Variants in NMS observed in about 807,000 individuals in gnomAD.
NMS encodes neuromedin S, also known as neuromedin-S.
Under a neutral mutation model 32.2 loss-of-function variants are expected in NMS, and 30 were observed. That is an observed-to-expected ratio of 0.93 (90% CI 0.70 to 1.26). The LOEUF is 1.26. Ranked by LOEUF, NMS falls within the 50% of genes most tolerant of loss-of-function variation. NMS has a pLI of 0.00. For missense variants in NMS, 190 were observed against 186.3 expected (o/e 1.02, Z -0.12); for synonymous variants, 76 against 58.5 (o/e 1.30, Z -1.37).
chr2:100,474,480 A>C (rs1172853660), intron 3 of NMS, among the ~76,000 whole-genome samples: 2 of 152,346 alleles, frequency 1.3e-5, no homozygotes, highest in East Asian at 3.9e-4. Flanking sequence ...CACAGGCTGC[A>C]GTTAACAATC....
chr2:100,476,071 T>C (rs1025780897), intron 3 of NMS, among the ~76,000 whole-genome samples: 6 of 151,594 alleles, frequency 4.0e-5, no homozygotes, highest in African/African-American at 1.2e-4. Context: ...AGCCGGGTAT[T>C]TAGCACCAGG....
Position 100,472,829 on chromosome 2 carries a change from C to G in NMS, c.111C>G (p.Gly37=). Residue 37 remains glycine (G), a synonymous_variant, in exon 2 of 10, where the codon GGC becomes GGG. Transcript: ENST00000376865. ...FPQPLADPSD[G]LDIVQLEQLA... is the part of the protein sequence containing the mutation. ...AACCTTTAGCTGATCCTTCAGATGGCTTGGATATTGTGCAGCTTGAGGTAC... is the reference window on the plus strand; with the variant it reads ...AACCTTTAGCTGATCCTTCAGATGGGTTGGATATTGTGCAGCTTGAGGTAC... 1 of 1,610,844 alleles carries G rather than the reference C, an allele frequency of 6.2e-7. No individual in the cohort carries two copies. The highest frequency in any genetic ancestry group is 8.5e-7 in the Non-Finnish European group (1 of 1,177,438).
At chr2:100,482,449 T>G (rs1487468690) in intron 9 of NMS, 138 bp downstream of exon 9, 3 of 780,898 alleles carry the variant, frequency 3.8e-6, no homozygotes, top group Non-Finnish European at 6.4e-6. Context: ...CCCCAGGAAC[T>G]CTGCCCCTTC....
rs748752621 is a variant in NMS at position 100,473,521 on chromosome 2, T to A, written c.165T>A (p.Pro55=). The change falls in exon 3 of 10, where the codon CCT becomes CCA. Residue 55 remains proline (P), a synonymous_variant. Transcript: ENST00000376865. ...QLAYCLSQWA[P]LSRQPKDNQD... ...CATATTGTCTGAGTCAGTGGGCACCTCTTTCTCGCCAACCTAAGGTAAAAA... is the reference window on the plus strand; with the variant it reads ...CATATTGTCTGAGTCAGTGGGCACCACTTTCTCGCCAACCTAAGGTAAAAA... 4.1e-6 allele frequency: 6 copies of A among 1,472,300 alleles called. No individual in the cohort carries two copies. Among genetic ancestry groups the A allele is most frequent in the Non-Finnish European group, 5.5e-6 (6 of 1,099,274 alleles). The allele number at this position is 1,472,300 out of a possible 1,614,324, so 91.2% of individuals were successfully genotyped here.
At chr2:100,480,337 G>A (rs552200733) in intron 6 of NMS, among the ~76,000 whole-genome samples, 159 bp from the exon 7 acceptor site, 8 of 152,312 alleles carry the variant, frequency 5.3e-5, no homozygotes, top group East Asian at 3.9e-4. Flanking sequence ...AGAAGATCAC[G>A]GCAGTGATCC....
chr2:100,475,812 C>A (rs1677097738), intron 3 of NMS, among the ~76,000 whole-genome samples: 1 of 151,872 alleles, frequency 6.6e-6, no homozygotes, highest in Non-Finnish European at 1.5e-5. Flanking sequence ...CCAGCTTGGG[C>A]AACATGGTAA....
chr2:100,470,947 C>T (rs1395580878), intron 1 of NMS, among the ~76,000 whole-genome samples: 2 of 152,166 alleles, frequency 1.3e-5, no homozygotes, highest in African/African-American at 4.8e-5. Flanking sequence ...GCTTACAGCC[C>T]CAGAGAGTGG....
At position 100,473,479 on chromosome 2, in the gene NMS, T is replaced by C. The variant is rs201889764; in HGVS notation, c.133-10T>C. The C allele has an allele frequency of 4.0e-6, 6 of 1,483,328 alleles. No individual in the cohort carries two copies. Among genetic ancestry groups the C allele is most frequent in the Non-Finnish European group, 5.4e-6 (6 of 1,107,044 alleles). The allele number at this position is 1,483,328 out of a possible 1,614,324, so 91.9% of individuals were successfully genotyped here. On this transcript the variant is annotated splice_polypyrimidine_tract_variant and intron_variant, in intron 2 of 9. Coordinates refer to ENST00000376865, the MANE Select transcript of NMS (RefSeq NM_001011717.1). Reference sequence around the variant, plus strand: ...TCCCTTTGATTTGTTTTCTTCATTTTATTTTTTAGCAGCTGGCATATTGTC... The same window carrying C: ...TCCCTTTGATTTGTTTTCTTCATTTCATTTTTTAGCAGCTGGCATATTGTC...
At chr2:100,475,999 CA>C (rs746460668) in intron 3 of NMS, among the ~76,000 whole-genome samples, 257 of 111,532 alleles carry the variant, frequency 2.3e-3, no homozygotes, top group African/African-American at 4.1e-3. Context: ...ACCCTATCTC[CA>C]AAAAAAAAAA....
At position 100,473,497 on chromosome 2, in the gene NMS, A is replaced by G. The variant is rs756942142; in HGVS notation, c.141A>G (p.Ala47=). The change falls in exon 3 of 10, where the codon GCA becomes GCG. Residue 47 remains alanine (A), a synonymous_variant. Coordinates refer to ENST00000376865, the MANE Select transcript of NMS (RefSeq NM_001011717.1). The part of the protein sequence containing the change: ...GLDIVQLEQL[A]YCLSQWAPLS... ...TTCATTTTATTTTTTAGCAGCTGGC[A>G]TATTGTCTGAGTCAGTGGGCACCTC... 3.1e-5 allele frequency: 46 copies of G among 1,488,094 alleles called. No homozygotes were observed. The South Asian group carries it at 5.3e-4, about 17-fold the overall frequency. 92.2% of individuals were successfully genotyped at this position (1,488,094 alleles called of 1,614,324 possible).
At chr2:100,477,564 G>A (rs1176870041) in intron 5 of NMS, 150 bp downstream of exon 5, 12 of 608,484 alleles carry the variant, frequency 2.0e-5, no homozygotes, top group Non-Finnish European at 3.5e-5. Context: ...CCCTGGGGCT[G>A]CAGGGATTCT....
At chr2:100,473,564 T>A (rs767169571) in intron 3 of NMS, 25 bp downstream of exon 3, 1 of 910,274 alleles carries the variant, frequency 1.1e-6, no homozygotes, top group South Asian at 3.6e-5. Context: ...ATATATATAA[T>A]ATATATAAAA....
intron 5 of NMS, 106 bp from the exon 6 acceptor site, chr2:100,479,247 T>G: frequency 2.7e-6 from 2 of 748,138 alleles, no homozygotes; most frequent in Non-Finnish European, 4.1e-6. Context: ...ATTAAACCCA[T>G]TTGTAAGGGA....
intron 3 of NMS, among the ~76,000 whole-genome samples, chr2:100,476,016 A>AAG (rs1677104174): frequency 6.6e-6 from 1 of 151,138 alleles, no homozygotes. Flanking sequence ...AAAAAAGAAA[A>AAG]GAAAAGAAAA....
intron 1 of NMS, among the ~76,000 whole-genome samples, chr2:100,471,612 A>G (rs1351071994): frequency 6.6e-6 from 1 of 151,722 alleles, no homozygotes; most frequent in African/African-American, 2.4e-5. Flanking sequence ...GTTTATACTC[A>G]CCTCCCTATT....
chr2:100,481,130 A>G lies in NMS; in HGVS notation c.377A>G (p.His126Arg). 1 of 1,614,172 alleles carries G rather than the reference A, an allele frequency of 6.2e-7. No homozygotes were observed. Among genetic ancestry groups the G allele is most frequent in the South Asian group, 1.1e-5 (1 of 91,090 alleles). ...TAAVDFTKKD[H>R]TATWGRPFFL... ...TTGTGTTTCTATATGTTGCAGGATC[A>G]CACTGCGACCTGGGGACGACCCTTT... The change falls in exon 8 of 10, where the codon CAC (histidine) becomes CGC (arginine). Residue 126 changes from histidine to arginine, a missense_variant. His to Arg is a conservative substitution (Grantham distance 29). Transcript: ENST00000376865.
In NMS at chr2:100,477,272, G is replaced by T. The variant is rs758919174; in HGVS notation, c.207+5G>T. 1 of 1,613,186 alleles carries T rather than the reference G, an allele frequency of 6.2e-7. No individual in the cohort carries two copies. The highest frequency in any genetic ancestry group is 8.5e-7 in the Non-Finnish European group (1 of 1,179,220). On this transcript the variant is annotated splice_donor_5th_base_variant and intron_variant, in intron 4 of 9. Transcript: ENST00000376865. ...AATCAAGACATATACAAAAGGGTGAGTACCACCTAGCCCTGTACAAGTGCA... is the reference window on the plus strand; with the variant it reads ...AATCAAGACATATACAAAAGGGTGATTACCACCTAGCCCTGTACAAGTGCA...
At chr2:100,481,275 G>A in intron 8 of NMS, 108 bp downstream of exon 8, 1 of 989,862 alleles carries the variant, frequency 1.0e-6, no homozygotes, top group Non-Finnish European at 1.6e-6. Context: ...TAAACTGGTG[G>A]ATAATTGTGG....
chr2:100,481,211 T>G, intron 8 of NMS, 44 bp downstream of exon 8: 1 of 1,580,592 alleles, frequency 6.3e-7, no homozygotes, highest in Non-Finnish European at 8.7e-7. Flanking sequence ...CTCGATTCAC[T>G]GCAGCCATCC....
Sources: allele counts gnomAD v4.1 joint callset (sites outside exome capture counted in the v4.1 genomes callset), GRCh38; gene constraint gnomAD v4.1.1; transcripts MANE v1.5; gene names NCBI Gene and HGNC (gene_info 2026-07-23, HGNC 2026-07-21).